NR2C2: variants seen among roughly 807,000 people sequenced by gnomAD.
NR2C2 encodes nuclear receptor subfamily 2 group C member 2, also known as Nuclear hormone receptor TR4.
A neutral mutation model predicts 62.9 loss-of-function variants in NR2C2; 6 were observed. The observed-to-expected ratio is 0.10, with a 90% CI of 0.05 to 0.19. The LOEUF (loss-of-function observed/expected upper bound fraction) is 0.19, where lower values mean the gene tolerates loss of function less well. Among genes scored for constraint, NR2C2 ranks in the 10% least tolerant of loss-of-function variants. The pLI is 1.00. For missense variants in NR2C2, 479 were observed against 762.7 expected, an observed-to-expected ratio of 0.63 and a Z score of 4.38; for synonymous variants, 272 against 273.8, an observed-to-expected ratio of 0.99 and a Z score of 0.07.
intron 1 of NR2C2, among the ~76,000 whole-genome samples, chr3:14,990,007 G>T (rs1288931626): frequency 2.0e-5 from 3 of 151,792 alleles, no homozygotes; most frequent in African/African-American, 7.3e-5. Context: ...AGAGGCTGAG[G>T]CAGGAGGATC....
rs151217039 is a variant in NR2C2, at chr3:15,038,192, T to C, written c.1510+55T>C. 1,498 of 1,523,288 alleles carry C rather than the reference T, an allele frequency of 9.8e-4. 31 individuals carry two copies. In the Admixed American group the frequency reaches 0.028, roughly 28 times the overall value. The allele number at this position is 1,523,288 out of a possible 1,614,324, so 94.4% of individuals were successfully genotyped here. ...CTTTCCACCTGTATCTACTGATGTT[T>C]CTGAACGTGAACATGTTGTCATCAT... On this transcript the variant is annotated intron_variant, in intron 12 of 13. Coordinates refer to ENST00000425241, the MANE Select transcript of NR2C2 (RefSeq NM_001291694.2).
intron 1 of NR2C2, among the ~76,000 whole-genome samples, chr3:14,968,562 TG>T (rs2039933296): frequency 6.6e-6 from 1 of 150,402 alleles, no homozygotes; most frequent in Admixed American, 6.6e-5. Context: ...TCAACCATTG[TG>T]GAAGACAGTG....
intron 9 of NR2C2, among the ~76,000 whole-genome samples, chr3:15,031,043 A>G (rs1169484383): frequency 6.6e-6 from 1 of 152,186 alleles, no homozygotes; most frequent in East Asian, 1.9e-4. Context: ...CATAGTGGTA[A>G]CTGCTGAGGG....
chr3:15,042,951 C>T lies in NR2C2; in HGVS notation c.1734C>T (p.Tyr578=), dbSNP rs1000017575. The T allele has an allele frequency of 1.2e-6, 2 of 1,614,238 alleles. No individual in the cohort carries two copies. The highest frequency in any genetic ancestry group is 1.7e-6 in the Non-Finnish European group (2 of 1,180,036). The change falls in exon 14 of 14, where the codon TAC becomes TAT. Residue 578 remains tyrosine (Y), a synonymous_variant. Coordinates refer to ENST00000425241, the MANE Select transcript of NR2C2 (RefSeq NM_001291694.2). ...GNVSIDSIIP[Y]ILKMETAEYN... The stretch of plus-strand genomic sequence containing the variant: ...TTTCGATAGACAGCATAATCCCCTA[C>T]ATCCTCAAGATGGAGACAGCAGAGT...
intron 10 of NR2C2, 43 bp downstream of exon 10, chr3:15,032,543 T>G: frequency 6.2e-7 from 1 of 1,613,276 alleles, no homozygotes; most frequent in Non-Finnish European, 8.5e-7. Context: ...GGCAGGAGCC[T>G]TCCTCTCCCT....
intron 1 of NR2C2, among the ~76,000 whole-genome samples, chr3:14,955,597 T>C (rs545128599): frequency 2.6e-5 from 4 of 152,230 alleles, no homozygotes; most frequent in African/African-American, 9.6e-5. Flanking sequence ...TTACAAGTGC[T>C]GAGTCTCAGT....
At chr3:15,017,121 T>C (rs910538179) in intron 4 of NR2C2, among the ~76,000 whole-genome samples, 3 of 152,296 alleles carry the variant, frequency 2.0e-5, no homozygotes, top group South Asian at 4.1e-4. Flanking sequence ...TTTGTTTGTT[T>C]TGTTTTTTAA....
chr3:14,969,725 G>T (rs1313909172), intron 1 of NR2C2, among the ~76,000 whole-genome samples: 1 of 152,116 alleles, frequency 6.6e-6, no homozygotes, highest in African/African-American at 2.4e-5. Flanking sequence ...TGATCCCTGG[G>T]CTATGTAAGG....
chr3:14,975,237 T>G (rs2040171027), intron 1 of NR2C2, among the ~76,000 whole-genome samples: 1 of 152,230 alleles, frequency 6.6e-6, no homozygotes, highest in Non-Finnish European at 1.5e-5. Flanking sequence ...CTAATTGCCC[T>G]GGCTAGGACT....
intron 1 of NR2C2, among the ~76,000 whole-genome samples, chr3:14,999,953 G>T (rs1236403022): frequency 6.6e-6 from 1 of 152,034 alleles, no homozygotes; most frequent in Non-Finnish European, 1.5e-5. Context: ...TATGATCCGT[G>T]ACTACAATGT....
intron 4 of NR2C2, among the ~76,000 whole-genome samples, chr3:15,017,770 C>T (rs2041551888): frequency 6.6e-6 from 1 of 152,198 alleles, no homozygotes; most frequent in African/African-American, 2.4e-5. Context: ...ATTCCAGATG[C>T]ACACTTGGGA....
At chr3:14,998,310 G>A (rs1005153957) in intron 1 of NR2C2, among the ~76,000 whole-genome samples, 1 of 152,150 alleles carries the variant, frequency 6.6e-6, no homozygotes, top group African/African-American at 2.4e-5. Context: ...GGGTCATATG[G>A]CAACTCTGTG....
intron 10 of NR2C2, among the ~76,000 whole-genome samples, chr3:15,033,038 C>T (rs2042019276): frequency 6.6e-6 from 1 of 150,772 alleles, no homozygotes; most frequent in African/African-American, 2.4e-5. Context: ...ATCGGCTCTG[C>T]CAGTGTGCCA....
intron 7 of NR2C2, among the ~76,000 whole-genome samples, chr3:15,024,564 CG>C (rs1271363279): frequency 4.6e-5 from 7 of 152,272 alleles, no homozygotes; most frequent in Admixed American, 2.0e-4. Context: ...GCAAAAGCCC[CG>C]GGTTCCTTTT....
intron 1 of NR2C2, among the ~76,000 whole-genome samples, chr3:14,969,642 C>G (rs1310484484): frequency 6.6e-6 from 1 of 152,212 alleles, no homozygotes; most frequent in Non-Finnish European, 1.5e-5. Flanking sequence ...AAAGAAATCA[C>G]TCATACACCT....
intron 1 of NR2C2, among the ~76,000 whole-genome samples, chr3:15,000,028 C>G (rs990106335): frequency 1.3e-5 from 2 of 152,106 alleles, no homozygotes; most frequent in South Asian, 4.1e-4. Context: ...GCCATGAGAA[C>G]ATTTGAAATT....
At chr3:15,036,627 C>T (rs1361731941) in intron 11 of NR2C2, among the ~76,000 whole-genome samples, 3 of 152,048 alleles carry the variant, frequency 2.0e-5, no homozygotes, top group Non-Finnish European at 4.4e-5. Context: ...GTAGCTGGGA[C>T]TTACAGGCAT....
intron 1 of NR2C2, among the ~76,000 whole-genome samples, chr3:14,952,233 A>G (rs1434832105): frequency 2.0e-5 from 3 of 152,212 alleles, no homozygotes; most frequent in African/African-American, 4.8e-5. Flanking sequence ...GGCCAGGGAT[A>G]GCGGATACTT....
chr3:14,999,335 T>A (rs2040920863), intron 1 of NR2C2, among the ~76,000 whole-genome samples: 1 of 151,792 alleles, frequency 6.6e-6, no homozygotes, highest in Admixed American at 6.6e-5. Context: ...ACAAAAAAAA[T>A]TTAAATTGGC....
Sources: allele counts gnomAD v4.1 joint callset (sites outside exome capture counted in the v4.1 genomes callset), GRCh38; gene constraint gnomAD v4.1.1; transcripts MANE v1.5; gene names NCBI Gene and HGNC (gene_info 2026-07-23, HGNC 2026-07-21).